The following DSC3 variants were observed in gnomAD, a reference collection of about 807,000 sequenced individuals.
The protein encoded by DSC3 is desmocollin-3.
Under a neutral mutation model 89.5 loss-of-function variants are expected in DSC3, and 97 were observed. That is an observed-to-expected ratio of 1.08 (90% CI 0.92 to 1.28). The LOEUF (loss-of-function observed/expected upper bound fraction) is 1.28. DSC3 is among the 50% of genes most tolerant of loss of function. DSC3 has a pLI of 0.00. For missense variants in DSC3, 1,199 were observed against 1,085.3 expected (o/e 1.10, Z -1.47); for synonymous variants, 436 against 384.1 (o/e 1.14, Z -1.58).
At chr18:31,030,071 A>G (rs1168927700) in intron 3 of DSC3, among the ~76,000 whole-genome samples, 1 of 152,192 alleles carries the variant, frequency 6.6e-6, no homozygotes. Flanking sequence ...ACAGTCTGAT[A>G]TGGTAGCCCT....
intron 9 of DSC3, among the ~76,000 whole-genome samples, chr18:31,008,986 C>G (rs1429197619): frequency 1.3e-5 from 2 of 152,100 alleles, no homozygotes; most frequent in African/African-American, 4.8e-5. Flanking sequence ...TTTCACAAAA[C>G]CAAAAGGTGC....
At chr18:31,042,150 G>A (rs1401738992) in intron 1 of DSC3, among the ~76,000 whole-genome samples, 3 of 152,128 alleles carry the variant, frequency 2.0e-5, no homozygotes, top group Non-Finnish European at 4.4e-5. Context: ...GGTCAACTGC[G>A]ACCCAGAGCT....
intron 8 of DSC3, among the ~76,000 whole-genome samples, 154 bp from the exon 9 acceptor site, chr18:31,018,410 A>G (rs1985306667): frequency 6.6e-6 from 1 of 152,148 alleles, no homozygotes; most frequent in Admixed American, 6.5e-5. Context: ...ATTAAGGGTT[A>G]TCTTTTAAAT....
chr18:31,024,489 A>G lies in DSC3; in HGVS notation c.635T>C (p.Ile212Thr). 1 of 1,612,466 alleles carries G rather than the reference A, an allele frequency of 6.2e-7. No homozygotes were observed. The highest frequency in any genetic ancestry group is 2.2e-5 in the East Asian group (1 of 44,842). The change falls in exon 6 of 16, where the codon ATT (isoleucine) becomes ACT (threonine). Residue 212 changes from isoleucine to threonine, a missense_variant. Ile to Thr is a moderately conservative substitution (Grantham distance 89, BLOSUM62 -1). Coordinates refer to ENST00000360428, the MANE Select transcript of DSC3 (RefSeq NM_001941.5). ...TCCATCTGCAGTTGACGCATAAGCA[A>G]TCAACTGCAAAATAGCAAAAAGAAA... ...DREEYDVFDL[I>T]AYASTADGYS...
At chr18:31,009,223 G>C (rs1984975593) in intron 9 of DSC3, among the ~76,000 whole-genome samples, 1 of 149,218 alleles carries the variant, frequency 6.7e-6, no homozygotes, top group Non-Finnish European at 1.5e-5. Context: ...GCTAATTTTT[G>C]TATTTTTTTC....
At position 31,031,176 on chromosome 18, in the gene DSC3, C is replaced by T. The variant is rs1037402639; in HGVS notation, c.155-4G>A. 16 of 1,602,746 alleles carry T rather than the reference C, an allele frequency of 1.0e-5. No homozygotes were observed. Among genetic ancestry groups the T allele is most frequent in the Middle Eastern group, 1.7e-4 (1 of 6,048 alleles). On this transcript the variant is annotated splice_polypyrimidine_tract_variant and splice_region_variant and intron_variant, in intron 2 of 15. Transcript: ENST00000360428. ...CTGAAGCACTCTTCCAAATTAACTG[C>T]AAGTAAAAATTTCCAAGTTGTAAGG...
intron 5 of DSC3, 85 bp downstream of exon 5, chr18:31,025,675 G>T: frequency 7.2e-7 from 1 of 1,391,028 alleles, no homozygotes; most frequent in Non-Finnish European, 1.0e-6. Flanking sequence ...GAGAATGCAA[G>T]GAGAGAGGAA....
At chr18:31,010,190 A>T (rs1216386672) in intron 9 of DSC3, among the ~76,000 whole-genome samples, 1 of 152,366 alleles carries the variant, frequency 6.6e-6, no homozygotes, top group East Asian at 1.9e-4. Flanking sequence ...TCTGAATCTT[A>T]GAATCTACAA....
intron 1 of DSC3, among the ~76,000 whole-genome samples, chr18:31,037,646 A>C (rs1986013050): frequency 1.3e-5 from 2 of 152,200 alleles, no homozygotes; most frequent in African/African-American, 4.8e-5. Flanking sequence ...TCATGCCTGT[A>C]ATCCCAGCAC....
intron 1 of DSC3, among the ~76,000 whole-genome samples, chr18:31,033,991 T>C (rs1460234269): frequency 1.3e-5 from 2 of 152,108 alleles, no homozygotes; most frequent in African/African-American, 4.8e-5. Flanking sequence ...GATCGGCTAA[T>C]TTTTTTGTAT....
chr18:31,006,446 C>A (rs1487280340), intron 12 of DSC3, among the ~76,000 whole-genome samples: 1 of 151,972 alleles, frequency 6.6e-6, no homozygotes, highest in East Asian at 1.9e-4. Context: ...ATTACAGGTG[C>A]CTGCCACCAC....
intron 7 of DSC3, among the ~76,000 whole-genome samples, chr18:31,019,957 A>C (rs377226118): frequency 1.6e-3 from 243 of 152,276 alleles, no homozygotes; most frequent in Admixed American, 3.0e-3. Context: ...CAGGTGTCCC[A>C]CTTGGAGAGA....
Position 31,006,967 on chromosome 18 carries a change from A to G in DSC3, c.1828T>C (p.Phe610Leu). ...DEPVHGAPFY[F>L]SLPNTSPEIS... is the part of the protein sequence containing the mutation. ...TCTGGAGAAGTATTGGGCAAACTGAAATAAAATGGAGCTCCATGGACAGGT... is the reference window on the plus strand; with the variant it reads ...TCTGGAGAAGTATTGGGCAAACTGAGATAAAATGGAGCTCCATGGACAGGT... Residue 610 changes from phenylalanine to leucine, a missense_variant, in exon 12 of 16, where the codon TTC becomes CTC. By Grantham distance (22) the Phe-to-Leu change is conservative (BLOSUM62 0). Coordinates refer to ENST00000360428, the MANE Select transcript of DSC3 (RefSeq NM_001941.5). 6.2e-7 allele frequency: 1 copy of G among 1,613,944 alleles called. No homozygotes were observed. The highest frequency in any genetic ancestry group is 8.5e-7 in the Non-Finnish European group (1 of 1,179,942).
chr18:31,004,430 C>T, intron 12 of DSC3, 64 bp from the exon 13 acceptor site: 1 of 1,471,394 alleles, frequency 6.8e-7, no homozygotes, highest in Non-Finnish European at 9.3e-7. Flanking sequence ...GCATTTGTTT[C>T]ATCACGCTTG....
In DSC3 at chr18:31,042,639, G is replaced by T. The variant is rs1461323720; in HGVS notation, c.22C>A (p.Arg8Ser). The change falls in exon 1 of 16, where the codon CGC becomes AGC. Residue 8 changes from arginine (R) to serine (S), a missense_variant. Physicochemically the swap from Arg to Ser is moderately radical, Grantham distance 110. Transcript: ENST00000360428. MAAAGPR[R>S]SVRGAVCLHL... ...AGGCAGACGGCTCCGCGCACGGAGC[G>T]CCGGGGCCCAGCGGCGGCCATCGGG... 6.5e-7 allele frequency: 1 copy of T among 1,550,038 alleles called. No homozygotes were observed. Among genetic ancestry groups the T allele is most frequent in the South Asian group, 1.2e-5 (1 of 84,044 alleles).
At chr18:31,034,914 G>A (rs1004996073) in intron 1 of DSC3, among the ~76,000 whole-genome samples, 2 of 152,062 alleles carry the variant, frequency 1.3e-5, no homozygotes, top group South Asian at 4.1e-4. Context: ...ACTGAATTGT[G>A]CACTTAACAA....
chr18:30,997,138 C>T, intron 14 of DSC3, 90 bp from the exon 15 acceptor site: 1 of 1,471,580 alleles, frequency 6.8e-7, no homozygotes, highest in Non-Finnish European at 9.4e-7. Flanking sequence ...ATTTGTTCAA[C>T]CTTTTATTCA....
intron 3 of DSC3, 109 bp from the exon 4 acceptor site, chr18:31,029,737 C>T: frequency 1.4e-6 from 2 of 1,395,628 alleles, no homozygotes; most frequent in African/African-American, 1.4e-5. Context: ...GTTTCAGTGT[C>T]AGGCATTTCC....
In DSC3 at chr18:31,033,332, A is replaced by G. The variant is rs1222578588; in HGVS notation, c.70-1056T>C. On this transcript the variant is annotated intron_variant, in intron 1 of 15. Transcript: ENST00000360428. ...CCAAATAAAATTGAAAATGAAAAAA[A>G]ACTGAAAGACCTATTTACCAATTTC... Among the ~76,000 whole-genome samples, 3 of 152,318 alleles carry G rather than the reference A, an allele frequency of 2.0e-5. No homozygotes were observed. In the East Asian group the frequency reaches 5.8e-4, roughly 29 times the overall value.
Sources: allele counts gnomAD v4.1 joint callset (sites outside exome capture counted in the v4.1 genomes callset), GRCh38; gene constraint gnomAD v4.1.1; transcripts MANE v1.5; gene names NCBI Gene and HGNC (gene_info 2026-07-23, HGNC 2026-07-21).